The following BDH1 variants were observed in gnomAD, a reference collection of about 807,000 sequenced individuals.
BDH1 encodes the protein 3-hydroxybutyrate dehydrogenase 1.
BDH1 carries 30 observed loss-of-function variants against 33.1 expected under a neutral mutation model. The observed-to-expected ratio is 0.91, with a 90% confidence interval of 0.68 to 1.23. BDH1 has a LOEUF of 1.23. Among genes scored for constraint, BDH1 ranks in the 50% most tolerant of loss-of-function variants. The probability of loss-of-function intolerance (pLI) is 0.00; values close to 1 mark genes in which losing one functional copy is unlikely to be tolerated. For synonymous variants in BDH1, 190 were observed against 183.6 expected (o/e 1.03, Z -0.28); for missense variants, 443 against 464.4 (o/e 0.95, Z 0.42).
At position 197,514,531 on chromosome 3, in the gene BDH1, GC is replaced by G; in HGVS notation, c.410-116del. 1.6e-6 allele frequency: 2 copies of G among 1,242,708 alleles called. No homozygotes were observed. The highest frequency in any genetic ancestry group is 1.6e-5 in the South Asian group (1 of 62,050). The allele number at this position is 1,242,708 out of a possible 1,614,324, so 77.0% of individuals were successfully genotyped here. Reference sequence around the variant, plus strand: ...CTTTCCTGTGACTTCCCAGCCTCTCGCCCAGTGCTCTCAAGAAACTTTCTAG... The same window carrying G: ...CTTTCCTGTGACTTCCCAGCCTCTCGCCAGTGCTCTCAAGAAACTTTCTAG... On this transcript the variant is annotated intron_variant, in intron 6 of 7. Coordinates refer to ENST00000392379, the MANE Select transcript of BDH1 (RefSeq NM_203314.3). This position sits in a 1 kb window ranked among gnomAD's most constrained non-coding sequence, Gnocchi z 4.2.
chr3:197,533,792 A>G, intron 3 of BDH1: 1 of 507,572 alleles, frequency 2.0e-6, no homozygotes, highest in Non-Finnish European at 3.5e-6. Context: ...CTGAGAATAA[A>G]GCCAATTCTG....
rs1560296954 is a variant in BDH1, at chr3:197,510,718, T to TGTGTGTGTGTGTGTAC, written c.*1176_*1177insGTACACACACACACAC. 1 of 118,148 alleles carries TGTGTGTGTGTGTGTAC rather than the reference T, an allele frequency of 8.5e-6. No homozygotes were observed. Among genetic ancestry groups the TGTGTGTGTGTGTGTAC allele is most frequent in the Non-Finnish European group, 1.7e-5 (1 of 59,666 alleles). 7.3% of individuals were successfully genotyped at this position (118,148 alleles called of 1,614,324 possible). The stretch of plus-strand genomic sequence containing the variant: ...GTGTGTGTGTGTGTGTGTGTGTGTG[T>TGTGTGTGTGTGTGTAC]ACATGTGTGTAAGCACCACGTGAGG... On this transcript the variant is annotated 3_prime_UTR_variant, in exon 8 of 8. Transcript: ENST00000392379.
chr3:197,545,406 T>C (rs909847249), intron 3 of BDH1, among the ~76,000 whole-genome samples: 1 of 152,240 alleles, frequency 6.6e-6, no homozygotes, highest in African/African-American at 2.4e-5. Flanking sequence ...ATCAAAATAA[T>C]GTACCTCCTG....
rs976231742 is a variant in BDH1, at chr3:197,554,064, C to G, written c.-44+498G>C. On this transcript the variant is annotated intron_variant, in intron 2 of 7. Transcript: ENST00000392379. The surrounding 1 kb of genome is among the most constrained non-coding windows in gnomAD (Gnocchi z 4.4). ...TACTTTTCTCCTCTACTCATTCAAC[C>G]GTTTGCTACACCATCCCTCAACAAG... Among the ~76,000 whole-genome samples the G allele has an allele frequency of 6.6e-6, 1 of 152,194 alleles. No homozygotes were observed. The highest frequency in any genetic ancestry group is 2.4e-5 in the African/African-American group (1 of 41,442).
At chr3:197,531,194 G>A (rs1019419485) in intron 5 of BDH1, among the ~76,000 whole-genome samples, 1 of 151,998 alleles carries the variant, frequency 6.6e-6, no homozygotes, top group Admixed American at 6.6e-5. Context: ...ACAGGAGTTT[G>A]AGACCAGTCT....
At chr3:197,567,759 G>A (rs1390482318) in intron 1 of BDH1, among the ~76,000 whole-genome samples, 3 of 152,156 alleles carry the variant, frequency 2.0e-5, no homozygotes, top group African/African-American at 7.2e-5. Context: ...GGGGTTTATG[G>A]AGGGAAATGA....
In BDH1 at chr3:197,510,705, GTGTGTGTGTGTGTACA is replaced by G. The variant is rs1711926100; in HGVS notation, c.*1174_*1189del. 2 of 127,098 alleles carry G rather than the reference GTGTGTGTGTGTGTACA, an allele frequency of 1.6e-5. No individual in the cohort carries two copies. The highest frequency in any genetic ancestry group is 6.9e-5 in the African/African-American group (2 of 28,920). 7.9% of individuals were successfully genotyped at this position (127,098 alleles called of 1,614,324 possible). ...GTAAGGTGTGTGTGTGTGTGTGTGTGTGTGTGTGTGTGTACATGTGTGTAAGCACCACGTGAGGCAA... is the reference window on the plus strand; with the variant it reads ...GTAAGGTGTGTGTGTGTGTGTGTGTGTGTGTGTAAGCACCACGTGAGGCAA... On this transcript the variant is annotated 3_prime_UTR_variant, in exon 8 of 8. Transcript: ENST00000392379.
intron 1 of BDH1, among the ~76,000 whole-genome samples, chr3:197,567,740 G>A (rs533970712): frequency 6.6e-6 from 1 of 152,226 alleles, no homozygotes; most frequent in South Asian, 2.1e-4. Flanking sequence ...TGAGGCACCT[G>A]AGATTTTGGG....
intron 1 of BDH1, among the ~76,000 whole-genome samples, chr3:197,561,846 A>G (rs1717271209): frequency 6.6e-6 from 1 of 152,220 alleles, no homozygotes; most frequent in Non-Finnish European, 1.5e-5. Context: ...GTCTTAAAAA[A>G]AAAATATTTA....
Position 197,520,907 on chromosome 3 carries a change from A to G in BDH1, c.409+1733T>C, listed in dbSNP as rs1163458933. Among the ~76,000 whole-genome samples the G allele has an allele frequency of 6.6e-6, 1 of 152,156 alleles. No homozygotes were observed. The highest frequency in any genetic ancestry group is 1.5e-5 in the Non-Finnish European group (1 of 68,028). The stretch of plus-strand genomic sequence containing the variant: ...AGAACAGAGAACAGAGAGGCCTGTG[A>G]ATGGCCTGTTGGGAGGATGGGAGCG... On this transcript the variant is annotated intron_variant, in intron 6 of 7. Transcript: ENST00000392379. The surrounding 1 kb of genome is among the most constrained non-coding windows in gnomAD (Gnocchi z 6.0).
In BDH1 at chr3:197,526,062, A is replaced by G. The variant is rs1197384634; in HGVS notation, c.268-3281T>C. Reference sequence around the variant, plus strand: ...TCCCTTTCAACCTCACCTGTAAGCTATTTTTTCCAGCCCTGGATGAAACTT... The same window carrying G: ...TCCCTTTCAACCTCACCTGTAAGCTGTTTTTTCCAGCCCTGGATGAAACTT... On this transcript the variant is annotated intron_variant, in intron 5 of 7. Transcript: ENST00000392379. This position sits in a 1 kb window ranked among gnomAD's most constrained non-coding sequence, Gnocchi z 4.7. Among the ~76,000 whole-genome samples the G allele has an allele frequency of 6.6e-6, 1 of 151,922 alleles. No individual in the cohort carries two copies. The highest frequency in any genetic ancestry group is 2.4e-5 in the African/African-American group (1 of 41,328).
chr3:197,557,218 T>C (rs1041657129), upstream of BDH1, among the ~76,000 whole-genome samples: 1 of 152,224 alleles, frequency 6.6e-6, no homozygotes, highest in African/African-American at 2.4e-5. This position sits in a 1 kb window ranked among gnomAD's most constrained non-coding sequence, Gnocchi z 4.6. Flanking sequence ...CCGAGCTGTG[T>C]CCCAACCACC....
chr3:197,564,074 C>T (rs796337706), intron 1 of BDH1, among the ~76,000 whole-genome samples: 16 of 132,060 alleles, frequency 1.2e-4, no homozygotes, highest in African/African-American at 4.5e-4. Context: ...TGCACTCTAG[C>T]CTGGGTGACA....
At chr3:197,533,959 G>A (rs1007411969) in intron 3 of BDH1, 1 of 179,220 alleles carries the variant, frequency 5.6e-6, no homozygotes, top group African/African-American at 2.3e-5. Context: ...CTTTGTTAAA[G>A]CCTGCTGCAA....
At chr3:197,549,975 T>TTATA (rs71623361) in intron 2 of BDH1, among the ~76,000 whole-genome samples, 9,204 of 146,964 alleles carry the variant, frequency 0.063, 1,108 homozygotes, top group African/African-American at 0.23. Flanking sequence ...CAAATAACTA[T>TTATA]TATATATATA....
intron 6 of BDH1, among the ~76,000 whole-genome samples, chr3:197,518,912 G>A (rs6792458): frequency 8.1e-4 from 13 of 16,124 alleles, no homozygotes; most frequent in African/African-American, 4.9e-3. Flanking sequence ...TGACCTCCCC[G>A]CCCCATCAGT....
chr3:197,532,323 G>T, intron 5 of BDH1, 89 bp downstream of exon 5: 1 of 1,109,716 alleles, frequency 9.0e-7, no homozygotes, highest in Non-Finnish European at 1.3e-6. Flanking sequence ...GCAAAGGTGA[G>T]CCAGTTGTTA....
chr3:197,559,739 T>G (rs533415340), upstream of BDH1, among the ~76,000 whole-genome samples: 1 of 152,242 alleles, frequency 6.6e-6, no homozygotes, highest in Non-Finnish European at 1.5e-5. Flanking sequence ...CTGACACAGA[T>G]AGTAGCAAGA....
At chr3:197,567,768 G>A (rs1717481862) in intron 1 of BDH1, among the ~76,000 whole-genome samples, 1 of 152,184 alleles carries the variant, frequency 6.6e-6, no homozygotes, top group South Asian at 2.1e-4. Context: ...GGAGGGAAAT[G>A]AAGCATGTAT....
Sources: gnomAD v4.1 joint callset for allele counts (sites outside exome capture counted in the v4.1 genomes callset) on GRCh38, gnomAD v4.1.1 for gene constraint, Gnocchi (gnomAD v3.1) non-coding constraint, MANE v1.5 for transcripts, NCBI Gene and HGNC (gene_info 2026-07-23, HGNC 2026-07-21) for gene names.